Variants in ZMYM1 observed in about 807,000 individuals in gnomAD.
The protein encoded by ZMYM1 is zinc finger MYM-type protein 1.
ZMYM1 carries 39 observed loss-of-function variants against 60.0 expected under a neutral mutation model. The ratio of observed to expected loss-of-function variants is 0.65; its 90% CI spans 0.50 to 0.85. The LOEUF (loss-of-function observed/expected upper bound fraction) is 0.85. Among genes scored for constraint, ZMYM1 ranks in the 40% least tolerant of loss-of-function variants. ZMYM1 has a pLI of 0.00. For synonymous variants in ZMYM1, 413 were observed against 454.0 expected (o/e 0.91, Z 1.15); for missense variants, 1,171 against 1,309.5 (o/e 0.89, Z 1.63).
intron 6 of ZMYM1, 53 bp downstream of exon 6, chr1:35,104,822 A>C: frequency 2.0e-6 from 3 of 1,485,538 alleles, no homozygotes; most frequent in Admixed American, 3.6e-5. Context: ...GAATGGTTTC[A>C]CTCTAGGAAA....
chr1:35,088,446 A>ATGTG (rs1642787415), intron 1 of ZMYM1, among the ~76,000 whole-genome samples: 2 of 116,312 alleles, frequency 1.7e-5, no homozygotes, highest in African/African-American at 7.0e-5. Context: ...ATATATATAT[A>ATGTG]TATATATATG....
In ZMYM1 at chr1:35,112,590, T is replaced by A. The variant is rs533312223; in HGVS notation, c.1147-387T>A. Among the ~76,000 whole-genome samples, 533 of 146,610 alleles carry A rather than the reference T, an allele frequency of 3.6e-3. 12 individuals carry two copies. The highest frequency in any genetic ancestry group is 0.033 in the Admixed American group (471 of 14,394). On this transcript the variant is annotated intron_variant, in intron 9 of 9. Coordinates refer to ENST00000359858, the MANE Select transcript of ZMYM1 (RefSeq NM_024772.5). ...AATATAAATATATTATAATGTATAT[T>A]TATTATATATTATATTTATATATTT...
At chr1:35,068,432 A>G (rs112575718) in intron 1 of ZMYM1, among the ~76,000 whole-genome samples, 1 of 150,270 alleles carries the variant, frequency 6.7e-6, no homozygotes, top group African/African-American at 2.5e-5. Flanking sequence ...AAAAAAAAAA[A>G]AAGAAAAGAA....
intron 1 of ZMYM1, among the ~76,000 whole-genome samples, chr1:35,060,143 GTTA>G (rs144363831): frequency 0.13 from 18,667 of 143,962 alleles, 1,331 homozygotes; most frequent in East Asian, 0.28. Context: ...ACTATTTGTT[GTTA>G]TTATTATTAT....
chr1:35,104,434 T>G lies in ZMYM1; in HGVS notation c.559T>G (p.Leu187Val), dbSNP rs779451373. ...TGTTACCATATGTACTAATAGCATTTTGACCAAGTGCAGCATGTGCCAGAA... is the reference window on the plus strand; with the variant it reads ...TGTTACCATATGTACTAATAGCATTGTGACCAAGTGCAGCATGTGCCAGAA... ...PFVTICTNSILTKCSMCQKTA... is the reference protein window; with the variant it reads ...PFVTICTNSIVTKCSMCQKTA... The change falls in exon 5 of 10, where the codon TTG becomes GTG. Residue 187 changes from leucine (L) to valine (V), a missense_variant. Leu to Val is a conservative substitution (Grantham distance 32). Transcript: ENST00000359858. The G allele has an allele frequency of 1.2e-6, 2 of 1,611,556 alleles. No homozygotes were observed. Among genetic ancestry groups the G allele is most frequent in the Non-Finnish European group, 8.5e-7 (1 of 1,178,628 alleles).
At chr1:35,105,677 C>T (rs1308931038) in intron 6 of ZMYM1, among the ~76,000 whole-genome samples, 2 of 152,090 alleles carry the variant, frequency 1.3e-5, no homozygotes, top group Non-Finnish European at 2.9e-5. Context: ...GCAATCATGG[C>T]TCACTGTAGC....
chr1:35,068,923 G>A (rs1027713538), intron 1 of ZMYM1, among the ~76,000 whole-genome samples: 6 of 151,862 alleles, frequency 4.0e-5, no homozygotes, highest in Non-Finnish European at 7.4e-5. Flanking sequence ...TGCAATCTCC[G>A]CCTCCTAGGT....
rs1317834068 is a variant in ZMYM1, at chr1:35,068,648, A to AT, written c.-301+8723_-301+8724insT. ...ACTGGAAATCCATACGCAAAAAAAAAAATATATATATATATATATAAAACT... is the reference window on the plus strand; with the variant it reads ...ACTGGAAATCCATACGCAAAAAAAAATAATATATATATATATATATAAAACT... On this transcript the variant is annotated intron_variant, in intron 1 of 10. Transcript: ENST00000417119. Among the ~76,000 whole-genome samples the AT allele has an allele frequency of 5.4e-5, 8 of 147,008 alleles. No individual in the cohort carries two copies. The South Asian group carries it at 6.3e-4, about 12-fold the overall frequency.
downstream of ZMYM1, among the ~76,000 whole-genome samples, chr1:35,118,029 A>G (rs1357561399): frequency 1.3e-5 from 2 of 151,640 alleles, no homozygotes; most frequent in Non-Finnish European, 2.9e-5. Context: ...CACAAGGTCA[A>G]GAATTCAAGA....
In ZMYM1 at chr1:35,100,306, C is replaced by G. The variant is rs116808696; in HGVS notation, c.419+2740C>G. Among the ~76,000 whole-genome samples the G allele has an allele frequency of 5.6e-3, 847 of 151,930 alleles. 5 individuals carry two copies. The highest frequency in any genetic ancestry group is 0.019 in the African/African-American group (805 of 41,438). On this transcript the variant is annotated intron_variant, in intron 4 of 9. Coordinates refer to ENST00000359858, the MANE Select transcript of ZMYM1 (RefSeq NM_024772.5). Reference sequence around the variant, plus strand: ...AAATGGAAGATCCCTTTGAAGATGACATTTTAAATCTTATTAGAAAGATGC... The same window carrying G: ...AAATGGAAGATCCCTTTGAAGATGAGATTTTAAATCTTATTAGAAAGATGC...
chr1:35,100,488 G>C (rs746406924), intron 4 of ZMYM1, among the ~76,000 whole-genome samples: 5 of 151,838 alleles, frequency 3.3e-5, no homozygotes, highest in Non-Finnish European at 5.9e-5. Flanking sequence ...CAGGCGTGGT[G>C]GTGTGTGCCT....
At chr1:35,112,535 A>T (rs958430366) in intron 9 of ZMYM1, among the ~76,000 whole-genome samples, 6 of 138,406 alleles carry the variant, frequency 4.3e-5, no homozygotes, top group African/African-American at 1.6e-4. Context: ...ATAAATATAT[A>T]ATATAAATAT....
intron 6 of ZMYM1, among the ~76,000 whole-genome samples, chr1:35,107,166 T>G (rs1158777299): frequency 2.7e-5 from 4 of 148,886 alleles, no homozygotes; most frequent in Non-Finnish European, 4.5e-5. Flanking sequence ...TGTTCTGTTT[T>G]TAAAAGCCTA....
At chr1:35,089,738 C>CTTTTTTTTTTTTTTTT (rs71029065) in intron 1 of ZMYM1, among the ~76,000 whole-genome samples, 5 of 60,992 alleles carry the variant, frequency 8.2e-5, no homozygotes, top group Non-Finnish European at 1.1e-4. Flanking sequence ...AGTTGTAAGG[C>CTTTTTTTTTTTTTTTT]TTTTTTTTTT....
intron 1 of ZMYM1, among the ~76,000 whole-genome samples, chr1:35,092,712 C>T (rs972021431): frequency 2.6e-5 from 4 of 152,072 alleles, no homozygotes; most frequent in Non-Finnish European, 4.4e-5. Context: ...ACTGCAACCT[C>T]TGCCTCCCGG....
At position 35,115,169 on chromosome 1, in the gene ZMYM1, T is replaced by C. The variant is rs1218219522; in HGVS notation, c.3339T>C (p.Ala1113=). The change falls in exon 10 of 10, where the codon GCT becomes GCC. Residue 1113 remains alanine (A), a synonymous_variant. Coordinates refer to ENST00000359858, the MANE Select transcript of ZMYM1 (RefSeq NM_024772.5). ...QEKLTGPALM[A]VEQELVNKLM... ...AGCTTACTGGCCCAGCCCTAATGGCTGTTGAGCAGGAGTTGGTAAATAAAC... is the reference window on the plus strand; with the variant it reads ...AGCTTACTGGCCCAGCCCTAATGGCCGTTGAGCAGGAGTTGGTAAATAAAC... 5 of 1,613,966 alleles carry C rather than the reference T, an allele frequency of 3.1e-6. No individual in the cohort carries two copies. The highest frequency in any genetic ancestry group is 2.2e-5 in the South Asian group (2 of 91,032).
At chr1:35,105,283 C>T (rs569139118) in intron 6 of ZMYM1, among the ~76,000 whole-genome samples, 5 of 149,592 alleles carry the variant, frequency 3.3e-5, no homozygotes, top group African/African-American at 9.8e-5. Flanking sequence ...TACAAGCACC[C>T]GCCACCACCA....
chr1:35,114,119 A>G lies in ZMYM1; in HGVS notation c.2289A>G (p.Glu763=), dbSNP rs766403738. Residue 763 remains glutamate, a synonymous_variant, in exon 10 of 10, where the codon GAA becomes GAG. Transcript: ENST00000359858. ...SIIRFCKEVK[E]LRSALKTLSS... ...TTAGGTTTTGTAAAGAAGTAAAAGA[A>G]CTCCGAAGTGCTCTAAAAACTCTCA... is the stretch of plus-strand genomic sequence containing the variant. 1.2e-6 allele frequency: 2 copies of G among 1,612,458 alleles called. No homozygotes were observed. Among genetic ancestry groups the G allele is most frequent in the Admixed American group, 3.4e-5 (2 of 59,646 alleles).
intron 7 of ZMYM1, among the ~76,000 whole-genome samples, chr1:35,110,795 G>A (rs767252568): frequency 3.3e-5 from 5 of 152,090 alleles, no homozygotes; most frequent in South Asian, 4.2e-4. Flanking sequence ...TTAGCTGGGC[G>A]TGTTGGTGGG....
Sources: allele counts gnomAD v4.1 joint callset (sites outside exome capture counted in the v4.1 genomes callset), GRCh38; gene constraint gnomAD v4.1.1; transcripts MANE v1.5; gene names NCBI Gene and HGNC (gene_info 2026-07-23, HGNC 2026-07-21).